ATG10: variants seen among roughly 807,000 people sequenced by gnomAD.
The protein encoded by ATG10 is autophagy related 10.
Under a neutral mutation model 32.1 loss-of-function variants are expected in ATG10, and 30 were observed. The ratio of observed to expected loss-of-function variants is 0.94; its 90% CI spans 0.70 to 1.27. ATG10 has a LOEUF of 1.27. Among genes scored for constraint, ATG10 ranks in the 50% most tolerant of loss-of-function variants. The probability of loss-of-function intolerance (pLI) is 0.00; values close to 1 mark genes in which losing one functional copy is unlikely to be tolerated. For missense variants in ATG10, 233 were observed against 262.3 expected (o/e 0.89, Z 0.77); for synonymous variants, 87 against 91.5 (o/e 0.95, Z 0.28).
At chr5:82,000,340 G>A (rs985849012) in intron 2 of ATG10, among the ~76,000 whole-genome samples, 42 of 152,078 alleles carry the variant, frequency 2.8e-4, no homozygotes, top group Admixed American at 2.6e-4. Context: ...AGCCATCTAC[G>A]ACAAACCCAC....
Position 82,170,461 on chromosome 5 carries a change from T to C in ATG10, c.355+5924T>C, listed in dbSNP as rs141330286. ...GGTGCTGTTTTGAGAAGGCAGAGAC[T>C]GCATTCCATGAGAAGGAGACCAGGT... is the stretch of plus-strand genomic sequence containing the variant. On this transcript the variant is annotated intron_variant, in intron 4 of 7. Coordinates refer to ENST00000282185, the MANE Select transcript of ATG10 (RefSeq NM_031482.5). 1.8e-3 allele frequency among the ~76,000 whole-genome samples: 271 copies of C among 152,318 alleles called. 2 individuals carry two copies. The highest frequency in any genetic ancestry group is 6.2e-3 in the African/African-American group (259 of 41,566).
intron 2 of ATG10, among the ~76,000 whole-genome samples, chr5:82,018,310 C>G (rs1220119087): frequency 2.0e-5 from 3 of 152,076 alleles, no homozygotes; most frequent in Non-Finnish European, 4.4e-5. Flanking sequence ...TGCTTGTTCC[C>G]TTTTCATAAT....
intron 2 of ATG10, among the ~76,000 whole-genome samples, chr5:81,995,812 A>G (rs1016418814): frequency 6.6e-6 from 1 of 152,256 alleles, no homozygotes; most frequent in African/African-American, 2.4e-5. Context: ...AAGTATCTTA[A>G]TGTAACAATT....
At chr5:82,028,687 G>A (rs1285331690) in intron 2 of ATG10, among the ~76,000 whole-genome samples, 1 of 152,142 alleles carries the variant, frequency 6.6e-6, no homozygotes, top group African/African-American at 2.4e-5. Context: ...GTAGATGTCC[G>A]AGGAAAAGTT....
intron 3 of ATG10, among the ~76,000 whole-genome samples, chr5:82,072,677 G>T (rs772665543): frequency 6.6e-6 from 1 of 152,046 alleles, no homozygotes; most frequent in Non-Finnish European, 1.5e-5. Flanking sequence ...TTTAATTGCC[G>T]TTTATCCCAA....
intron 5 of ATG10, among the ~76,000 whole-genome samples, chr5:82,233,942 T>C (rs1746460409): frequency 6.6e-6 from 1 of 152,198 alleles, no homozygotes; most frequent in Non-Finnish European, 1.5e-5. Flanking sequence ...AGTTAGACCC[T>C]GCAGCTTATA....
At chr5:82,179,844 T>G (rs773427815) in intron 5 of ATG10, among the ~76,000 whole-genome samples, 4 of 152,312 alleles carry the variant, frequency 2.6e-5, no homozygotes, top group Admixed American at 6.5e-5. Context: ...CCTTAGCATC[T>G]TGTAAGTGGT....
At chr5:82,194,613 G>C (rs1744784248) in intron 5 of ATG10, among the ~76,000 whole-genome samples, 1 of 152,138 alleles carries the variant, frequency 6.6e-6, no homozygotes, top group African/African-American at 2.4e-5. Flanking sequence ...CTTTTCATCT[G>C]CTAAAATTAT....
intron 3 of ATG10, among the ~76,000 whole-genome samples, chr5:82,096,462 AT>A (rs144271248): frequency 1.4e-3 from 212 of 152,230 alleles, no homozygotes; most frequent in Non-Finnish European, 2.3e-3. Context: ...CAGTCATAGT[AT>A]CAATACTCCT....
At chr5:82,197,459 TCTAC>T (rs10592620) in intron 5 of ATG10, among the ~76,000 whole-genome samples, 93,250 of 148,558 alleles carry the variant, frequency 0.63, 29,820 homozygotes, top group East Asian at 0.78. Flanking sequence ...TATCTGTCTA[TCTAC>T]CTACCTACCT....
At chr5:82,173,545 G>A (rs1408579214) in intron 4 of ATG10, among the ~76,000 whole-genome samples, 1 of 152,042 alleles carries the variant, frequency 6.6e-6, no homozygotes, top group Non-Finnish European at 1.5e-5. Flanking sequence ...CACATAGTAG[G>A]CACTCAATAA....
At chr5:82,079,906 G>A (rs1220781929) in intron 3 of ATG10, among the ~76,000 whole-genome samples, 1 of 152,146 alleles carries the variant, frequency 6.6e-6, no homozygotes, top group Non-Finnish European at 1.5e-5. Context: ...GGGTCAAATG[G>A]TATTTCTAGT....
chr5:82,089,539 CACAA>C (rs1314047159), intron 3 of ATG10, among the ~76,000 whole-genome samples: 1 of 152,218 alleles, frequency 6.6e-6, no homozygotes, highest in Non-Finnish European at 1.5e-5. Context: ...GGCAAACAAA[CACAA>C]ACAAAGAAAC....
At chr5:82,047,848 T>C (rs1003280917) in intron 2 of ATG10, among the ~76,000 whole-genome samples, 35 of 152,216 alleles carry the variant, frequency 2.3e-4, no homozygotes, top group Non-Finnish European at 5.1e-4. Context: ...TTTATGGTTT[T>C]AGGTCTAACG....
intron 3 of ATG10, among the ~76,000 whole-genome samples, chr5:82,093,170 T>C (rs181028290): frequency 2.1e-3 from 320 of 152,320 alleles, no homozygotes; most frequent in Non-Finnish European, 3.2e-3. Flanking sequence ...TTGTTACATA[T>C]GTGGTTTTAT....
At chr5:82,072,660 A>G (rs1427639765) in intron 3 of ATG10, among the ~76,000 whole-genome samples, 1 of 152,216 alleles carries the variant, frequency 6.6e-6, no homozygotes, top group African/African-American at 2.4e-5. Context: ...TATATTAAAA[A>G]TGAAATTTTA....
intron 5 of ATG10, among the ~76,000 whole-genome samples, chr5:82,202,948 G>C (rs1278005042): frequency 1.3e-5 from 2 of 152,162 alleles, no homozygotes; most frequent in Non-Finnish European, 2.9e-5. Flanking sequence ...GTAATGGGGG[G>C]CTGGGTGTGG....
At chr5:82,181,795 T>C (rs1744247867) in intron 5 of ATG10, among the ~76,000 whole-genome samples, 1 of 152,174 alleles carries the variant, frequency 6.6e-6, no homozygotes, top group Admixed American at 6.6e-5. Context: ...TCTTTAGTAA[T>C]CACACTTCTG....
intron 5 of ATG10, 80 bp downstream of exon 5, chr5:82,178,667 C>T (rs1744125015): frequency 1.1e-6 from 1 of 927,750 alleles, no homozygotes; most frequent in East Asian, 2.5e-5. Flanking sequence ...AGTTCCCTCT[C>T]CAACTCTTTT....
Sources: gnomAD v4.1 joint callset for allele counts (sites outside exome capture counted in the v4.1 genomes callset) on GRCh38, gnomAD v4.1.1 for gene constraint, MANE v1.5 for transcripts, NCBI Gene and HGNC (gene_info 2026-07-23, HGNC 2026-07-21) for gene names.